RSF1: variants seen among roughly 807,000 people sequenced by gnomAD.
RSF1 encodes the protein remodeling and spacing factor 1, also known as HBV pX-associated protein 8.
Under a neutral mutation model 145.2 loss-of-function variants are expected in RSF1, and 13 were observed. The observed-to-expected ratio is 0.09, with a 90% CI of 0.06 to 0.14. The LOEUF (loss-of-function observed/expected upper bound fraction) is 0.14, where lower values mean the gene tolerates loss of function less well. Ranked by LOEUF, RSF1 falls within the 10% of genes least tolerant of loss-of-function variation. RSF1 has a pLI of 1.00. For missense variants in RSF1, 1,517 were observed against 1,718.2 expected (o/e 0.88, Z 2.07); for synonymous variants, 577 against 592.6 (o/e 0.97, Z 0.38).
intron 1 of RSF1, among the ~76,000 whole-genome samples, chr11:77,807,530 C>A (rs571012260): frequency 1.3e-5 from 2 of 152,184 alleles, no homozygotes; most frequent in African/African-American, 4.8e-5. Context: ...ACACACCATG[C>A]AAAGTAAACA....
At chr11:77,872,178 C>G in the RSF1 span, 3 of 1,612,076 alleles carry the variant, frequency 1.9e-6, no homozygotes, top group African/African-American at 4.0e-5. Context: ...TTCCCAGGTG[C>G]CTTCATCAAC....
In RSF1 at chr11:77,664,108, TA is replaced by T. The variant is rs1959302179; in HGVS notation, c.*2808del. On this transcript the variant is annotated 3_prime_UTR_variant, in exon 16 of 16. Coordinates refer to ENST00000308488, the MANE Select transcript of RSF1 (RefSeq NM_016578.4). ...GAACATTTCGTTTTCTAAAATTTTT[TA>T]ACTTCTTCAGAATACCTTCAGAGTG... is the stretch of plus-strand genomic sequence containing the variant. The T allele has an allele frequency of 6.6e-6, 1 of 152,222 alleles. No homozygotes were observed. The highest frequency in any genetic ancestry group is 2.1e-4 in the South Asian group (1 of 4,834). The allele number at this position is 152,222 out of a possible 1,614,324, so 9.4% of individuals were successfully genotyped here. A position where few individuals can be genotyped will look rare whatever the true frequency, so the allele number is the denominator to read the frequency against.
intron 5 of RSF1, among the ~76,000 whole-genome samples, chr11:77,724,760 T>C (rs1424600606): frequency 6.6e-6 from 1 of 152,082 alleles, no homozygotes; most frequent in Admixed American, 6.5e-5. Flanking sequence ...ACAATAGGGT[T>C]TGTGCTCCCA....
intron 1 of RSF1, among the ~76,000 whole-genome samples, chr11:77,794,908 T>A (rs868114401): frequency 1.8e-4 from 27 of 151,974 alleles, no homozygotes; most frequent in African/African-American, 6.5e-4. Flanking sequence ...AAGAAGGAGG[T>A]CAAACTTTCC....
chr11:77,764,684 T>C lies in RSF1; in HGVS notation c.193A>G (p.Lys65Glu). The change falls in exon 2 of 16, where the codon AAA becomes GAA. Residue 65 changes from lysine to glutamate, a missense_variant. Around this residue, in one of 12 missense-constraint regions of RSF1, gnomAD observed 85 missense variants for 91.8 expected, o/e 0.93. Transcript: ENST00000308488. ...TTCAAATGGAGCTCCACCAATTCTT[T>C]TGGTACTTAAAAGAAAGAAAAAAAA... ...PPDVGNGEVPKELVELHLKLM... is the reference protein window; with the variant it reads ...PPDVGNGEVPEELVELHLKLM... 6.3e-6 allele frequency: 10 copies of C among 1,592,108 alleles called. No homozygotes were observed. The highest frequency in any genetic ancestry group is 8.6e-6 in the Non-Finnish European group (10 of 1,167,044).
At chr11:77,765,262 G>A (rs1238120301) in intron 1 of RSF1, among the ~76,000 whole-genome samples, 1 of 152,132 alleles carries the variant, frequency 6.6e-6, no homozygotes, top group African/African-American at 2.4e-5. Flanking sequence ...AATTAGAAAG[G>A]AACCAAGAAG....
At chr11:77,792,211 A>T (rs1009294871) in intron 1 of RSF1, among the ~76,000 whole-genome samples, 6 of 152,124 alleles carry the variant, frequency 3.9e-5, no homozygotes, top group Non-Finnish European at 4.4e-5. Context: ...ATCAGATCTC[A>T]TGAGACTTAC....
At chr11:77,859,357 A>C in the RSF1 span, among the ~76,000 whole-genome samples, 1 of 152,122 alleles carries the variant, frequency 6.6e-6, no homozygotes, top group Non-Finnish European at 1.5e-5. Flanking sequence ...CAGCAGTGTA[A>C]GACTGCTACC....
intron 1 of RSF1, 83 bp downstream of exon 1, chr11:77,820,445 G>A (rs1235151451): frequency 1.1e-5 from 16 of 1,407,780 alleles, no homozygotes; most frequent in South Asian, 4.1e-5. Flanking sequence ...CCCGAGCCGC[G>A]AAGAACCGGG....
intron 1 of RSF1, among the ~76,000 whole-genome samples, chr11:77,803,996 A>C (rs1453134750): frequency 6.6e-6 from 1 of 152,180 alleles, no homozygotes; most frequent in African/African-American, 2.4e-5. Flanking sequence ...GCTTGAGCCC[A>C]GGAGCTCAGG....
intron 2 of RSF1, among the ~76,000 whole-genome samples, chr11:77,755,174 T>A (rs1181492175): frequency 2.0e-5 from 3 of 152,186 alleles, no homozygotes; most frequent in Non-Finnish European, 4.4e-5. Flanking sequence ...AAATCATGGC[T>A]GCTATGTAGA....
In RSF1 at chr11:77,675,116, C is replaced by T. The variant is rs1565144441; in HGVS notation, c.3482G>A (p.Arg1161His). ...TTTCTTTGGGGTCTTTCTTCGCAAA[C>T]GCCTGCTCTGCCTCATTGGCCGAGA... Reference protein sequence around the residue: ...HPSRPMRQSRRLRRKTPKKKY... With the variant: ...HPSRPMRQSRHLRRKTPKKKY... Residue 1161 changes from arginine to histidine, a missense_variant, in exon 14 of 16, where the codon CGT becomes CAT. Around this residue, in one of 12 missense-constraint regions of RSF1, gnomAD observed 231 missense variants for 276.6 expected, o/e 0.84. Transcript: ENST00000308488. The T allele has an allele frequency of 3.7e-6, 6 of 1,614,018 alleles. No homozygotes were observed. The highest frequency in any genetic ancestry group is 1.3e-5 in the African/African-American group (1 of 74,926).
Position 77,820,054 on chromosome 11 carries a change from G to A in RSF1, c.187+474C>T, listed in dbSNP as rs541610070. 5.9e-5 allele frequency among the ~76,000 whole-genome samples: 9 copies of A among 152,316 alleles called. No individual in the cohort carries two copies. In the South Asian group the frequency reaches 1.9e-3, roughly 32 times the overall value. On this transcript the variant is annotated intron_variant, in intron 1 of 15. Transcript: ENST00000308488. ...GGTGAAGGGAGATAAGGAGGTGTCC[G>A]GAGCAGCCGAGCCCAGCCTTCCCCG...
At chr11:77,740,371 G>A (rs1375222656) in intron 4 of RSF1, among the ~76,000 whole-genome samples, 7 of 152,252 alleles carry the variant, frequency 4.6e-5, no homozygotes, top group Non-Finnish European at 7.4e-5. Context: ...GCGAAACTCC[G>A]TTTAAAAAAG....
At chr11:77,674,287 T>C (rs1959633220) in intron 14 of RSF1, among the ~76,000 whole-genome samples, 1 of 152,242 alleles carries the variant, frequency 6.6e-6, no homozygotes, top group Non-Finnish European at 1.5e-5. Flanking sequence ...ACCTATCAAT[T>C]TGCCAATTAC....
chr11:77,677,756 T>C (rs1229810825), intron 12 of RSF1, among the ~76,000 whole-genome samples: 1 of 152,212 alleles, frequency 6.6e-6, no homozygotes, highest in Non-Finnish European at 1.5e-5. Flanking sequence ...TATCCATAAT[T>C]TTTGAGACTT....
chr11:77,792,587 C>A (rs1948528242), intron 1 of RSF1, among the ~76,000 whole-genome samples: 1 of 152,154 alleles, frequency 6.6e-6, no homozygotes, highest in African/African-American at 2.4e-5. Flanking sequence ...TACTAATAAC[C>A]AGACCCTAAG....
At chr11:77,771,351 G>A (rs1948283592) in intron 1 of RSF1, among the ~76,000 whole-genome samples, 1 of 152,122 alleles carries the variant, frequency 6.6e-6, no homozygotes, top group Non-Finnish European at 1.5e-5. Context: ...AGATGACACC[G>A]TAAAGATAAG....
intron 1 of RSF1, among the ~76,000 whole-genome samples, chr11:77,803,927 C>T (rs565312425): frequency 6.6e-6 from 1 of 152,212 alleles, no homozygotes; most frequent in Admixed American, 6.5e-5. Flanking sequence ...AAAAATATAA[C>T]TAAATTAACT....
Sources: allele counts gnomAD v4.1 joint callset (sites outside exome capture counted in the v4.1 genomes callset), GRCh38; gene constraint gnomAD v4.1.1; regional missense constraint gnomAD v4.1.1; transcripts MANE v1.5; gene names NCBI Gene and HGNC (gene_info 2026-07-23, HGNC 2026-07-21).